Variants in BMS1 observed in about 807,000 individuals in gnomAD.
BMS1 encodes BMS1 ribosome biogenesis factor, also known as ribosome biogenesis protein BMS1 homolog.
Under a neutral mutation model 138.7 loss-of-function variants are expected in BMS1, and 53 were observed. The observed-to-expected ratio is 0.38, with a 90% CI of 0.31 to 0.48. The LOEUF is 0.48. BMS1 is among the 20% of genes least tolerant of loss of function. The pLI, the probability that BMS1 is intolerant of heterozygous loss-of-function variation, is 0.97. For synonymous variants in BMS1, 504 were observed against 539.9 expected (o/e 0.93, Z 0.92); for missense variants, 1,360 against 1,565.5 (o/e 0.87, Z 2.22).
In BMS1 at chr10:42,833,718, A is replaced by T. The variant is rs892271193; in HGVS notation, c.*2622A>T. The T allele has an allele frequency of 6.6e-6, 1 of 152,266 alleles. No individual in the cohort carries two copies. The highest frequency in any genetic ancestry group is 1.9e-4 in the East Asian group (1 of 5,204). The allele number at this position is 152,266 out of a possible 1,614,324, so 9.4% of individuals were successfully genotyped here. A position where few individuals can be genotyped will look rare whatever the true frequency, so the allele number is the denominator to read the frequency against. The stretch of plus-strand genomic sequence containing the variant: ...CACATAGTTTTTGCTGTGAGTTTGC[A>T]TCCATCTCATAGGAAGACATATATC... On this transcript the variant is annotated 3_prime_UTR_variant, in exon 23 of 23. Transcript: ENST00000374518.
chr10:42,797,265 C>A, intron 10 of BMS1, 34 bp downstream of exon 10: 1 of 1,583,944 alleles, frequency 6.3e-7, no homozygotes, highest in Non-Finnish European at 8.6e-7. Flanking sequence ...CTGCTATGAA[C>A]TTGGCTCTCG....
chr10:42,793,478 G>T (rs1421620060), intron 8 of BMS1, among the ~76,000 whole-genome samples: 2 of 151,944 alleles, frequency 1.3e-5, no homozygotes, highest in Non-Finnish European at 2.9e-5. Flanking sequence ...ATTCACAATG[G>T]TCTCCTCATG....
rs776976208 is a variant in BMS1, at chr10:42,830,257, T to C, written c.3457-4T>C. 4 of 1,609,820 alleles carry C rather than the reference T, an allele frequency of 2.5e-6. No individual in the cohort carries two copies. The East Asian group carries it at 8.9e-5, about 36-fold the overall frequency. On this transcript the variant is annotated splice_polypyrimidine_tract_variant and splice_region_variant and intron_variant, in intron 21 of 22. Coordinates refer to ENST00000374518, the MANE Select transcript of BMS1 (RefSeq NM_014753.4). The stretch of plus-strand genomic sequence containing the variant: ...TATGTCACAGTCTTTGTTTTTCTTT[T>C]CAGCCAATCCTGAGGCAAAAGAAAC...
intron 15 of BMS1, among the ~76,000 whole-genome samples, chr10:42,819,282 G>C (rs1229737902): frequency 6.6e-6 from 1 of 152,150 alleles, no homozygotes; most frequent in Non-Finnish European, 1.5e-5. Context: ...TGCCTGAGCT[G>C]CCTGTAGAAC....
chr10:42,784,337 C>T, intron 1 of BMS1, 25 bp from the exon 2 acceptor site: 2 of 1,499,766 alleles, frequency 1.3e-6, no homozygotes, highest in African/African-American at 2.8e-5. Context: ...CTCCCATCTC[C>T]TTACCCCAAC....
At chr10:42,794,091 C>G (rs1841598442) in intron 9 of BMS1, 100 bp downstream of exon 9, 2 of 1,368,536 alleles carry the variant, frequency 1.5e-6, no homozygotes, top group Non-Finnish European at 2.0e-6. Context: ...GGGATTCATT[C>G]TATGTTGTTT....
At chr10:42,810,273 C>T (rs570758680) in intron 13 of BMS1, among the ~76,000 whole-genome samples, 53 of 152,266 alleles carry the variant, frequency 3.5e-4, no homozygotes, top group African/African-American at 1.2e-3. Flanking sequence ...TCAAGGGTGG[C>T]ATATCCCACA....
chr10:42,823,291 G>A (rs1442054433), intron 20 of BMS1, 26 bp downstream of exon 20: 1 of 1,527,708 alleles, frequency 6.5e-7, no homozygotes, highest in Non-Finnish European at 8.8e-7. Flanking sequence ...AGTGTTCAGG[G>A]CAGGGTGTTA....
At chr10:42,816,165 G>T (rs1223277082) in intron 13 of BMS1, among the ~76,000 whole-genome samples, 5 of 152,162 alleles carry the variant, frequency 3.3e-5, no homozygotes, top group Non-Finnish European at 5.9e-5. Context: ...CAGGCTTGGT[G>T]GCGGGTGCCT....
In BMS1 at chr10:42,832,940, A is replaced by G. The variant is rs1750586809; in HGVS notation, c.*1844A>G. The G allele has an allele frequency of 1.3e-5, 2 of 152,264 alleles. No individual in the cohort carries two copies. Among genetic ancestry groups the G allele is most frequent in the South Asian group, 2.1e-4 (1 of 4,834 alleles). 9.4% of individuals were successfully genotyped at this position (152,264 alleles called of 1,614,324 possible). A position where few individuals can be genotyped will look rare whatever the true frequency, so the allele number is the denominator to read the frequency against. On this transcript the variant is annotated 3_prime_UTR_variant, in exon 23 of 23. Coordinates refer to ENST00000374518, the MANE Select transcript of BMS1 (RefSeq NM_014753.4). ...TGCAAAACTATAATTCAACTAAAATATACAAGGCACTCAAGTCATACCATG... is the reference window on the plus strand; with the variant it reads ...TGCAAAACTATAATTCAACTAAAATGTACAAGGCACTCAAGTCATACCATG...
intron 4 of BMS1, among the ~76,000 whole-genome samples, chr10:42,788,464 C>G (rs1841405727): frequency 6.6e-6 from 1 of 152,002 alleles, no homozygotes; most frequent in Non-Finnish European, 1.5e-5. Context: ...ATTAGGATAT[C>G]CATCACCTCA....
In BMS1 at chr10:42,830,361, C is replaced by T. The variant is rs1201495299; in HGVS notation, c.3557C>T (p.Ala1186Val). The change falls in exon 22 of 23, where the codon GCA (alanine) becomes GTA (valine). Residue 1186 changes from alanine to valine, a missense_variant. Physicochemically the swap from Ala to Val is moderately conservative, Grantham distance 64. Coordinates refer to ENST00000374518, the MANE Select transcript of BMS1 (RefSeq NM_014753.4). ...FKNKPKTQAK[A>V]GKVPKDRRRP... ...AACAAGCCCAAGACCCAAGCAAAGG[C>T]AGGCAAGGTGCCAAAGGACAGGCGG... The T allele has an allele frequency of 5.6e-6, 9 of 1,613,874 alleles. 1 individual carries two copies. The East Asian group carries it at 1.3e-4, about 24-fold the overall frequency.
At chr10:42,830,535 A>G (rs1842773286) in intron 22 of BMS1, 113 bp downstream of exon 22, 2 of 1,372,358 alleles carry the variant, frequency 1.5e-6, no homozygotes, top group Admixed American at 2.7e-5. Context: ...CTGGAACTAA[A>G]GTCAGAGGAA....
chr10:42,805,209 A>G (rs1317482742), intron 13 of BMS1, among the ~76,000 whole-genome samples: 1 of 152,060 alleles, frequency 6.6e-6, no homozygotes, highest in African/African-American at 2.4e-5. Context: ...TGACATATTG[A>G]TATCTACTTT....
chr10:42,812,711 A>G (rs1277859267), intron 13 of BMS1, among the ~76,000 whole-genome samples: 1 of 152,170 alleles, frequency 6.6e-6, no homozygotes, highest in East Asian at 1.9e-4. Context: ...CATACTCTGT[A>G]GTGGAGTGAG....
At chr10:42,788,399 G>A (rs1841403068) in intron 4 of BMS1, among the ~76,000 whole-genome samples, 1 of 151,532 alleles carries the variant, frequency 6.6e-6, no homozygotes, top group Non-Finnish European at 1.5e-5. Context: ...ATATTTATGG[G>A]GTACATGTGG....
rs1841716937 is a variant in BMS1 at position 42,797,205 on chromosome 10, A to G, written c.1961A>G (p.Glu654Gly). 6.2e-7 allele frequency: 1 copy of G among 1,604,688 alleles called. No individual in the cohort carries two copies. The highest frequency in any genetic ancestry group is 8.5e-7 in the Non-Finnish European group (1 of 1,176,156). The change falls in exon 10 of 23, where the codon GAA (glutamate) becomes GGA (glycine). Residue 654 changes from glutamate (E) to glycine (G), a missense_variant. Glu to Gly is a moderately conservative substitution (Grantham distance 98, BLOSUM62 -2). Transcript: ENST00000374518. The part of the protein sequence containing the change: ...LLKEEEDYKE[E>G]NNDSKETSGA... ...AAAGAGGAAGAAGATTACAAGGAAG[A>G]AAATAATGATTCCAAAGAAACGTCA...
At chr10:42,814,478 C>G (rs1842278512) in intron 13 of BMS1, among the ~76,000 whole-genome samples, 1 of 152,058 alleles carries the variant, frequency 6.6e-6, no homozygotes, top group Admixed American at 6.5e-5. Flanking sequence ...CTGACGTTTT[C>G]AGTTCTTTGT....
Position 42,823,674 on chromosome 10 carries a change from T to G in BMS1, c.3346T>G (p.Leu1116Val). ...IPAFYNPVTS[L>V]LKPVGEKDTW... ...AGCGTTCTATAACCCAGTAACATCT[T>G]TGTTGAAACCAGTGGGTGAGAAAGA... is the stretch of plus-strand genomic sequence containing the variant. The change falls in exon 21 of 23, where the codon TTG becomes GTG. Residue 1116 changes from leucine to valine, a missense_variant. Around this residue, in one of 3 missense-constraint regions of BMS1, gnomAD observed 425 missense variants for 568.3 expected, o/e 0.75. Coordinates refer to ENST00000374518, the MANE Select transcript of BMS1 (RefSeq NM_014753.4). The G allele has an allele frequency of 6.3e-7, 1 of 1,596,048 alleles. No homozygotes were observed. Among genetic ancestry groups the G allele is most frequent in the South Asian group, 1.1e-5 (1 of 90,856 alleles).
Sources: gnomAD v4.1 joint callset for allele counts (sites outside exome capture counted in the v4.1 genomes callset) on GRCh38, gnomAD v4.1.1 for gene constraint, gnomAD v4.1.1 regional missense constraint, MANE v1.5 for transcripts, NCBI Gene and HGNC (gene_info 2026-07-23, HGNC 2026-07-21) for gene names.